Variants in IGFL2 observed in about 807,000 individuals in gnomAD.
IGFL2 encodes the protein insulin growth factor-like family member 2.
A neutral mutation model predicts 13.9 loss-of-function variants in IGFL2; 7 were observed. The ratio of observed to expected loss-of-function variants is 0.51; its 90% CI spans 0.29 to 0.95. The LOEUF (loss-of-function observed/expected upper bound fraction) is 0.95. IGFL2 is among the 40% of genes least tolerant of loss of function. The pLI is 0.08. For synonymous variants in IGFL2, 55 were observed against 55.8 expected, an observed-to-expected ratio of 0.99 and a Z score of 0.07; for missense variants, 138 against 147.8, an observed-to-expected ratio of 0.93 and a Z score of 0.34.
At chr19:46,146,189 A>G (rs1658263607), upstream of IGFL2, among the ~76,000 whole-genome samples, 1 of 151,766 alleles carries the variant, frequency 6.6e-6, no homozygotes, top group Admixed American at 6.6e-5. Flanking sequence ...ATTGTCTCAC[A>G]CCATTTGTTG....
chr19:46,092,280 C>A, the IGFL2 span, among the ~76,000 whole-genome samples: 3 of 152,114 alleles, frequency 2.0e-5, 1 homozygote, highest in Admixed American at 1.3e-4. Context: ...CTGCCTCAGT[C>A]CCCTGAGTAT....
chr19:46,141,877 T>C (rs1363252688), upstream of IGFL2, among the ~76,000 whole-genome samples: 5 of 152,194 alleles, frequency 3.3e-5, no homozygotes, highest in African/African-American at 1.2e-4. Context: ...AAGATATGCA[T>C]GCAAAGAACA....
At chr19:46,090,902 G>C in the IGFL2 span, among the ~76,000 whole-genome samples, 2 of 152,190 alleles carry the variant, frequency 1.3e-5, no homozygotes, top group Non-Finnish European at 2.9e-5. Flanking sequence ...GGAAGATCCA[G>C]TATTAGGGTC....
At chr19:46,138,993 C>T (rs1972733124), upstream of IGFL2, among the ~76,000 whole-genome samples, 1 of 152,140 alleles carries the variant, frequency 6.6e-6, no homozygotes, top group African/African-American at 2.4e-5. Flanking sequence ...ACTCTCCAAG[C>T]AGCTCTCTCT....
At chr19:46,182,588 T>C in the IGFL2 span, among the ~76,000 whole-genome samples, 3 of 152,304 alleles carry the variant, frequency 2.0e-5, no homozygotes, top group African/African-American at 7.2e-5. Flanking sequence ...TGAGGCATAA[T>C]GTACATACAG....
chr19:46,120,196 C>G, the IGFL2 span: 1 of 1,358,258 alleles, frequency 7.4e-7, no homozygotes, highest in South Asian at 1.4e-5. Flanking sequence ...CTGGGCTCCT[C>G]TCCAAAGCTA....
the IGFL2 span, chr19:46,214,170 A>T: frequency 1.3e-5 from 2 of 152,298 alleles, no homozygotes; most frequent in East Asian, 3.9e-4. Context: ...CTGGCACAAG[A>T]ATCTGAAACA....
At chr19:46,181,518 T>G in the IGFL2 span, among the ~76,000 whole-genome samples, 477 of 152,346 alleles carry the variant, frequency 3.1e-3, 3 homozygotes, top group Non-Finnish European at 5.2e-3. Flanking sequence ...ACATCACTAT[T>G]GTGAAACCTA....
At chr19:46,094,437 G>A in the IGFL2 span, among the ~76,000 whole-genome samples, 4 of 152,182 alleles carry the variant, frequency 2.6e-5, no homozygotes, top group East Asian at 5.8e-4. Flanking sequence ...AGAGCTGAAA[G>A]TGAAAGTCTC....
chr19:46,109,743 G>C, the IGFL2 span, among the ~76,000 whole-genome samples: 6 of 152,158 alleles, frequency 3.9e-5, no homozygotes, highest in Non-Finnish European at 7.3e-5. Flanking sequence ...ACAAGGGTGG[G>C]GGAATATCAC....
At chr19:46,168,914 G>GTA in the IGFL2 span, among the ~76,000 whole-genome samples, 2 of 120,402 alleles carry the variant, frequency 1.7e-5, no homozygotes. Flanking sequence ...GTGTGTGTGT[G>GTA]TATGTGTGTG....
upstream of IGFL2, among the ~76,000 whole-genome samples, chr19:46,138,514 G>C (rs2080619): frequency 2.0e-5 from 3 of 151,942 alleles, no homozygotes; most frequent in Admixed American, 2.0e-4. Context: ...CTGGTGGTGG[G>C]GGAGCATTGA....
rs1196647311 is a variant in IGFL2, at chr19:46,149,166, T to C, written c.19+869T>C. 6 of 673,776 alleles carry C rather than the reference T, an allele frequency of 8.9e-6. No individual in the cohort carries two copies. In the African/African-American group the frequency reaches 1.1e-4, roughly 12 times the overall value. 41.7% of individuals were successfully genotyped at this position (673,776 alleles called of 1,614,324 possible). A position where few individuals can be genotyped will look rare whatever the true frequency, so the allele number is the denominator to read the frequency against. ...TCTCTCTCTCCCTCTCTCTCTTCTC[T>C]CTCTCTCTCTTCTCTCTCTCTTTCT... is the stretch of plus-strand genomic sequence containing the variant. On this transcript the variant is annotated intron_variant, in intron 1 of 3. Transcript: ENST00000377693.
chr19:46,144,994 G>T (rs1973044324), upstream of IGFL2, among the ~76,000 whole-genome samples: 1 of 152,118 alleles, frequency 6.6e-6, no homozygotes, highest in South Asian at 2.1e-4. Flanking sequence ...TTTCCATTGT[G>T]TGTGTGTACC....
At chr19:46,098,513 T>G in the IGFL2 span, among the ~76,000 whole-genome samples, 1 of 150,376 alleles carries the variant, frequency 6.6e-6, no homozygotes, top group Non-Finnish European at 1.5e-5. Context: ...GGAGTCTCGT[T>G]CTGCCACCCA....
chr19:46,161,291 A>C, downstream of IGFL2: 1 of 499,170 alleles, frequency 2.0e-6, no homozygotes. Flanking sequence ...TCCAATGTAC[A>C]CACCTGTACC....
chr19:46,167,426 C>G, the IGFL2 span, among the ~76,000 whole-genome samples: 1 of 152,144 alleles, frequency 6.6e-6, no homozygotes, highest in African/African-American at 2.4e-5. Flanking sequence ...GACCTTTGCC[C>G]GTATCTGATG....
the IGFL2 span, among the ~76,000 whole-genome samples, chr19:46,181,762 T>C: frequency 6.6e-6 from 1 of 152,240 alleles, no homozygotes; most frequent in Admixed American, 6.5e-5. Flanking sequence ...TTCTCTCTGT[T>C]TTCCTTGCTT....
chr19:46,161,728 T>G (rs1247610867), downstream of IGFL2, among the ~76,000 whole-genome samples: 1 of 152,216 alleles, frequency 6.6e-6, no homozygotes, highest in African/African-American at 2.4e-5. Context: ...TGAGATGGGC[T>G]TCTTGAAGAC....
Sources: allele counts gnomAD v4.1 joint callset (sites outside exome capture counted in the v4.1 genomes callset), GRCh38; gene constraint gnomAD v4.1.1; transcripts MANE v1.5; gene names NCBI Gene and HGNC (gene_info 2026-07-23, HGNC 2026-07-21).